OMA1: variants seen among roughly 807,000 people sequenced by gnomAD.
The protein encoded by OMA1 is metalloendopeptidase OMA1, mitochondrial.
Under a neutral mutation model 30.9 loss-of-function variants are expected in OMA1, and 38 were observed. The ratio of observed to expected loss-of-function variants is 1.23; its 90% CI spans 0.95 to 1.61. OMA1 has a LOEUF of 1.61. Ranked by LOEUF, OMA1 falls within the 40% of genes most tolerant of loss-of-function variation. The probability of loss-of-function intolerance (pLI) is 0.00; values close to 1 mark genes in which losing one functional copy is unlikely to be tolerated. For missense variants in OMA1, 461 were observed against 349.2 expected (o/e 1.32, Z -2.55); for synonymous variants, 173 against 121.9 (o/e 1.42, Z -2.76).
In OMA1 at chr1:58,506,188, T is replaced by G; in HGVS notation, c.1237A>C (p.Ser413Arg). The G allele has an allele frequency of 1.1e-6, 1 of 871,332 alleles. No homozygotes were observed. The allele number at this position is 871,332 out of a possible 1,614,324, so 54.0% of individuals were successfully genotyped here. A position where few individuals can be genotyped will look rare whatever the true frequency, so the allele number is the denominator to read the frequency against. Reference protein sequence around the residue: ...AAKACADIRASSVFWQQMEFV... With the variant: ...AAKACADIRARSVFWQQMEFV... ...TCCATTTGCTGCCAAAACACTGAACTGGCTCTTATGTCTGCACAAGCCTAA... is the reference window on the plus strand; with the variant it reads ...TCCATTTGCTGCCAAAACACTGAACGGGCTCTTATGTCTGCACAAGCCTAA... Residue 413 changes from serine to arginine, a missense_variant, in exon 8 of 9, where the codon AGT becomes CGT. Transcript: ENST00000371226.
intron 8 of OMA1, among the ~76,000 whole-genome samples, chr1:58,482,402 C>T (rs1003017279): frequency 3.3e-5 from 5 of 151,996 alleles, no homozygotes; most frequent in Non-Finnish European, 2.9e-5. Context: ...AAGTAACTAG[C>T]CTTAGAACTA....
intron 1 of OMA1, chr1:58,542,639 CT>C (rs1172782769): frequency 6.6e-6 from 1 of 152,152 alleles, no homozygotes; most frequent in Non-Finnish European, 1.5e-5. Context: ...GTAAAGTCTT[CT>C]TCTAGAAGTC....
intron 7 of OMA1, among the ~76,000 whole-genome samples, chr1:58,519,301 G>A (rs1646223801): frequency 6.6e-6 from 1 of 152,148 alleles, no homozygotes; most frequent in Admixed American, 6.5e-5. Context: ...TATTTTGATA[G>A]AGGCATGAAA....
intron 8 of OMA1, among the ~76,000 whole-genome samples, chr1:58,495,513 C>T (rs533288251): frequency 6.6e-6 from 1 of 151,632 alleles, no homozygotes; most frequent in East Asian, 1.9e-4. Flanking sequence ...TTTGGTAGTT[C>T]CTTACTTGAT....
At chr1:58,499,058 A>T (rs1482354276) in intron 8 of OMA1, among the ~76,000 whole-genome samples, 1 of 152,166 alleles carries the variant, frequency 6.6e-6, no homozygotes, top group African/African-American at 2.4e-5. Flanking sequence ...AAATATGAAC[A>T]TGATAAAATC....
intron 2 of OMA1, among the ~76,000 whole-genome samples, chr1:58,538,291 T>C (rs1433145667): frequency 2.0e-5 from 3 of 152,094 alleles, no homozygotes; most frequent in Non-Finnish European, 4.4e-5. Flanking sequence ...GGGAACAGAA[T>C]AGAAAGAAAA....
chr1:58,509,552 A>C (rs960809051), intron 7 of OMA1, among the ~76,000 whole-genome samples: 3 of 151,256 alleles, frequency 2.0e-5, no homozygotes, highest in Admixed American at 6.6e-5. Flanking sequence ...AAAAAAGAAG[A>C]AAGCAAGCAA....
chr1:58,516,422 A>G (rs1646158737), intron 7 of OMA1, among the ~76,000 whole-genome samples: 1 of 152,108 alleles, frequency 6.6e-6, no homozygotes, highest in Non-Finnish European at 1.5e-5. Context: ...ACTTAACAGG[A>G]CCTCTTTTGT....
intron 1 of OMA1, among the ~76,000 whole-genome samples, chr1:58,539,581 T>C (rs1646572167): frequency 6.6e-6 from 1 of 152,252 alleles, no homozygotes. Flanking sequence ...GAGCCATTTG[T>C]ATTTTAATGG....
intron 8 of OMA1, among the ~76,000 whole-genome samples, chr1:58,488,256 T>C (rs2100365761): frequency 6.6e-6 from 1 of 152,358 alleles, no homozygotes; most frequent in East Asian, 1.9e-4. Flanking sequence ...GTTATCCATC[T>C]TTTAATTTTT....
intron 7 of OMA1, among the ~76,000 whole-genome samples, chr1:58,510,009 A>C (rs1646049328): frequency 1.3e-5 from 2 of 152,142 alleles, no homozygotes; most frequent in African/African-American, 4.8e-5. Flanking sequence ...CCTCCCAACA[A>C]AGAAAAGCCC....
At chr1:58,542,990 T>TTAA (rs372514731) in intron 1 of OMA1, among the ~76,000 whole-genome samples, 25 of 145,296 alleles carry the variant, frequency 1.7e-4, no homozygotes, top group African/African-American at 4.3e-4. Context: ...AAAGCTTTTT[T>TTAA]AAAAAAAAAA....
intron 1 of OMA1, 145 bp downstream of exon 1, chr1:58,546,558 C>G (rs1421099276): frequency 6.6e-6 from 1 of 151,800 alleles, no homozygotes; most frequent in African/African-American, 2.4e-5. Flanking sequence ...CCCGTACCCC[C>G]ATCCCCAAGG....
intron 8 of OMA1, among the ~76,000 whole-genome samples, chr1:58,488,318 T>TTGTA (rs1230497091): frequency 1.3e-5 from 2 of 152,164 alleles, no homozygotes; most frequent in African/African-American, 2.4e-5. Context: ...CATAACTTTG[T>TTGTA]TTTATTTATT....
chr1:58,490,335 G>T (rs1423137036), intron 8 of OMA1, among the ~76,000 whole-genome samples: 1 of 152,124 alleles, frequency 6.6e-6, no homozygotes, highest in Non-Finnish European at 1.5e-5. Context: ...TGGAAGAAAA[G>T]GTATCAGTGA....
At chr1:58,537,135 A>G (rs1646531254) in intron 2 of OMA1, among the ~76,000 whole-genome samples, 1 of 151,916 alleles carries the variant, frequency 6.6e-6, no homozygotes, top group Non-Finnish European at 1.5e-5. Flanking sequence ...ACCCTGTTAC[A>G]GAAGATAAAA....
Position 58,491,787 on chromosome 1 carries a change from G to A in OMA1, c.1366-10613C>T, listed in dbSNP as rs181729615. 4.8e-3 allele frequency among the ~76,000 whole-genome samples: 733 copies of A among 152,300 alleles called. 2 individuals carry two copies. In the Middle Eastern group the frequency reaches 0.054, roughly 11 times the overall value. The stretch of plus-strand genomic sequence containing the variant: ...AAGCAAGTCCTTAGAGACCTACAAA[G>A]TGACTTAGACTCCCACACAATAATA... On this transcript the variant is annotated intron_variant, in intron 8 of 8. Coordinates refer to ENST00000371226, the MANE Select transcript of OMA1 (RefSeq NM_145243.5).
intron 8 of OMA1, among the ~76,000 whole-genome samples, chr1:58,494,847 G>T (rs546089251): frequency 1.2e-4 from 19 of 152,284 alleles, no homozygotes; most frequent in African/African-American, 4.3e-4. Context: ...CAAACATTGT[G>T]GAAGTCAGTG....
At chr1:58,529,525 ACTTTC>A (rs1318553618) in intron 6 of OMA1, among the ~76,000 whole-genome samples, 3 of 152,236 alleles carry the variant, frequency 2.0e-5, no homozygotes, top group Non-Finnish European at 4.4e-5. Flanking sequence ...ACCTAGTAAG[ACTTTC>A]CTTTCAGCAT....
Sources: allele counts gnomAD v4.1 joint callset (sites outside exome capture counted in the v4.1 genomes callset), GRCh38; gene constraint gnomAD v4.1.1; transcripts MANE v1.5; gene names NCBI Gene and HGNC (gene_info 2026-07-23, HGNC 2026-07-21).